The following MMRN1 variants were observed in gnomAD, a reference collection of about 807,000 sequenced individuals.
MMRN1 encodes multimerin 1, also known as multimerin-1.
MMRN1 carries 94 observed loss-of-function variants against 100.7 expected under a neutral mutation model. That is an observed-to-expected ratio of 0.93 (90% CI 0.79 to 1.11). The LOEUF (loss-of-function observed/expected upper bound fraction) is 1.11, where lower values mean the gene tolerates loss of function less well. Ranked by LOEUF, MMRN1 falls within the 50% of genes least tolerant of loss-of-function variation. The probability of loss-of-function intolerance (pLI) is 0.00; values close to 1 mark genes in which losing one functional copy is unlikely to be tolerated. For missense variants in MMRN1, 1,606 were observed against 1,439.1 expected (o/e 1.12, Z -1.88); for synonymous variants, 575 against 505.0 (o/e 1.14, Z -1.86).
chr4:89,916,449 A>G (rs971635641), intron 3 of MMRN1, among the ~76,000 whole-genome samples: 3 of 151,538 alleles, frequency 2.0e-5, no homozygotes, highest in Non-Finnish European at 3.0e-5. Flanking sequence ...GCATGTGCCC[A>G]CATGCAATTA....
intron 1 of MMRN1, among the ~76,000 whole-genome samples, chr4:89,897,827 T>C (rs2110581503): frequency 6.6e-6 from 1 of 152,254 alleles, no homozygotes; most frequent in East Asian, 1.9e-4. Flanking sequence ...ATATTCCCTA[T>C]AAAAAGTAAA....
At chr4:89,909,638 T>C (rs1425036238) in intron 2 of MMRN1, among the ~76,000 whole-genome samples, 1 of 151,516 alleles carries the variant, frequency 6.6e-6, no homozygotes. Context: ...TTATAAGCAT[T>C]CAATAAATGT....
intron 3 of MMRN1, among the ~76,000 whole-genome samples, chr4:89,918,108 C>T (rs1721979720): frequency 6.6e-6 from 1 of 150,742 alleles, no homozygotes; most frequent in Non-Finnish European, 1.5e-5. Flanking sequence ...CATAATTGGC[C>T]TTTTACTAAT....
In MMRN1 at chr4:89,911,984, A is replaced by C; in HGVS notation, c.784A>C (p.Lys262Gln). ...CAATCCTGTCTATAGGATGCAACAT[A>C]AAATTGTCACCTCATTGGATTGGAG... is the stretch of plus-strand genomic sequence containing the variant. Reference protein sequence around the residue: ...ISNPVYRMQHKIVTSLDWRCC... With the variant: ...ISNPVYRMQHQIVTSLDWRCC... The change falls in exon 3 of 8, where the codon AAA becomes CAA. Residue 262 changes from lysine to glutamine, a missense_variant. Lys to Gln is a moderately conservative substitution (Grantham distance 53, BLOSUM62 1). Transcript: ENST00000264790. The C allele has an allele frequency of 1.2e-6, 2 of 1,604,554 alleles. No homozygotes were observed. The highest frequency in any genetic ancestry group is 1.7e-6 in the Non-Finnish European group (2 of 1,174,296).
At position 89,935,728 on chromosome 4, in the gene MMRN1, G is replaced by A. The variant is rs1424429157; in HGVS notation, c.2048G>A (p.Ser683Asn). ...AGGAAAAAGATAGAAAATCTGACTA[G>A]TGCTGTCAATAGTCTAAATTTTATT... ...VIRKKIENLT[S>N]AVNSLNFIIK... Residue 683 changes from serine to asparagine, a missense_variant, in exon 6 of 8, where the codon AGT (serine) becomes AAT (asparagine). Coordinates refer to ENST00000264790, the MANE Select transcript of MMRN1 (RefSeq NM_007351.3). The A allele has an allele frequency of 6.2e-7, 1 of 1,611,566 alleles. No individual in the cohort carries two copies. The highest frequency in any genetic ancestry group is 8.5e-7 in the Non-Finnish European group (1 of 1,179,232).
intron 1 of MMRN1, among the ~76,000 whole-genome samples, chr4:89,902,781 A>G (rs1424576524): frequency 6.6e-6 from 1 of 152,064 alleles, no homozygotes; most frequent in South Asian, 2.1e-4. Flanking sequence ...CAAAGTATCT[A>G]AAATTCCCCA....
chr4:89,946,381 C>CTGT (rs1298622820), intron 6 of MMRN1, among the ~76,000 whole-genome samples: 8 of 152,040 alleles, frequency 5.3e-5, no homozygotes, highest in Middle Eastern at 3.2e-3. Flanking sequence ...TACAATGTTA[C>CTGT]TGTTTACATG....
At chr4:89,881,058 G>C (rs1281191010) in intron 1 of MMRN1, among the ~76,000 whole-genome samples, 1 of 152,092 alleles carries the variant, frequency 6.6e-6, no homozygotes, top group Admixed American at 6.6e-5. Context: ...GCATTTGTTG[G>C]CTCCTTTAAT....
rs1029448593 is a variant in MMRN1 at position 89,918,350 on chromosome 4, TA to T, written c.851-4817del. Among the ~76,000 whole-genome samples the T allele has an allele frequency of 7.2e-5, 11 of 151,864 alleles. 1 individual carries two copies. The highest frequency in any genetic ancestry group is 2.6e-4 in the African/African-American group (11 of 41,544). Reference sequence around the variant, plus strand: ...TAGAGTGTCATCTCTGAAAATCAGTTATTTTTTAAAAAAGTCTATTTTCCAA... The same window carrying T: ...TAGAGTGTCATCTCTGAAAATCAGTTTTTTTTAAAAAAGTCTATTTTCCAA... On this transcript the variant is annotated intron_variant, in intron 3 of 7. Transcript: ENST00000264790.
chr4:89,888,443 G>A (rs901448907), intron 1 of MMRN1, among the ~76,000 whole-genome samples: 1 of 143,402 alleles, frequency 7.0e-6, no homozygotes, highest in African/African-American at 2.5e-5. Flanking sequence ...GATATGGCGT[G>A]TTTTTTTTTT....
At position 89,952,112 on chromosome 4, in the gene MMRN1, G is replaced by A. The variant is rs146985360; in HGVS notation, c.3265+361G>A. ...CTCAAACAAGCAGTTAAAGAAATAC[G>A]CCTTTGATTTATGTCTGGTATGGTC... is the stretch of plus-strand genomic sequence containing the variant. On this transcript the variant is annotated intron_variant, in intron 7 of 7. Coordinates refer to ENST00000264790, the MANE Select transcript of MMRN1 (RefSeq NM_007351.3). 3.9e-4 allele frequency among the ~76,000 whole-genome samples: 60 copies of A among 152,156 alleles called. 1 individual carries two copies. In the East Asian group the frequency reaches 9.8e-3, roughly 25 times the overall value.
In MMRN1 at chr4:89,935,624, C is replaced by G. The variant is rs2110633656; in HGVS notation, c.1944C>G (p.Ile648Met). The G allele has an allele frequency of 6.2e-7, 1 of 1,613,462 alleles. No individual in the cohort carries two copies. The highest frequency in any genetic ancestry group is 1.3e-5 in the African/African-American group (1 of 75,000). The change falls in exon 6 of 8, where the codon ATC (isoleucine) becomes ATG (methionine). Residue 648 changes from isoleucine (I) to methionine (M), a missense_variant. By Grantham distance (10) the Ile-to-Met change is conservative (BLOSUM62 1). Transcript: ENST00000264790. ...ATGATTTGACTTATGATATGGAGAT[C>G]CTTCAACCCTTGCTTGAGCAGGGAG... ...QLNDLTYDME[I>M]LQPLLEQGAS...
At position 89,954,332 on chromosome 4, in the gene MMRN1, G is replaced by A. The variant is rs1051078784; in HGVS notation, c.*914G>A. The A allele has an allele frequency of 2.0e-5, 3 of 152,052 alleles. No homozygotes were observed. The highest frequency in any genetic ancestry group is 4.4e-5 in the Non-Finnish European group (3 of 68,016). The allele number at this position is 152,052 out of a possible 1,614,324, so 9.4% of individuals were successfully genotyped here. A position where few individuals can be genotyped will look rare whatever the true frequency, so the allele number is the denominator to read the frequency against. ...TGATTTTTATAGTTGAAGAACCTAAGACACAGAGACCAAGGCCCATGAGCT... is the reference window on the plus strand; with the variant it reads ...TGATTTTTATAGTTGAAGAACCTAAAACACAGAGACCAAGGCCCATGAGCT... On this transcript the variant is annotated 3_prime_UTR_variant, in exon 8 of 8. Coordinates refer to ENST00000264790, the MANE Select transcript of MMRN1 (RefSeq NM_007351.3).
intron 4 of MMRN1, among the ~76,000 whole-genome samples, chr4:89,925,013 A>G (rs991381151): frequency 6.6e-6 from 1 of 152,114 alleles, no homozygotes; most frequent in East Asian, 1.9e-4. Flanking sequence ...TCGGTTACAA[A>G]CAATCCAATT....
intron 5 of MMRN1, among the ~76,000 whole-genome samples, chr4:89,932,700 C>T (rs1394746128): frequency 6.6e-6 from 1 of 152,140 alleles, no homozygotes; most frequent in East Asian, 1.9e-4. Flanking sequence ...TACATTGGTC[C>T]CTTTTAGCCA....
At chr4:89,887,565 G>A (rs1021558861) in intron 1 of MMRN1, among the ~76,000 whole-genome samples, 1 of 151,936 alleles carries the variant, frequency 6.6e-6, no homozygotes, top group African/African-American at 2.4e-5. Context: ...AGTATTATGT[G>A]TTCTTAACTG....
chr4:89,929,152 G>A (rs554589331), intron 5 of MMRN1, among the ~76,000 whole-genome samples: 1 of 152,100 alleles, frequency 6.6e-6, no homozygotes, highest in African/African-American at 2.4e-5. Context: ...CGTCCCAGTC[G>A]GGTTTATTGT....
At chr4:89,893,360 G>A (rs868187794), upstream of MMRN1, among the ~76,000 whole-genome samples, 16 of 151,240 alleles carry the variant, frequency 1.1e-4, no homozygotes, top group South Asian at 8.6e-4. Context: ...GGCAAAGATT[G>A]AGGGAAGAAA....
At chr4:89,941,558 G>A (rs1045780283) in intron 6 of MMRN1, among the ~76,000 whole-genome samples, 5 of 152,038 alleles carry the variant, frequency 3.3e-5, no homozygotes, top group African/African-American at 1.2e-4. Flanking sequence ...CTCTGCCTAG[G>A]ACATACCAAA....
Sources: gnomAD v4.1 joint callset for allele counts (sites outside exome capture counted in the v4.1 genomes callset) on GRCh38, gnomAD v4.1.1 for gene constraint, MANE v1.5 for transcripts, NCBI Gene and HGNC (gene_info 2026-07-23, HGNC 2026-07-21) for gene names.